The following ANKRD50 variants were observed in gnomAD, a reference collection of about 807,000 sequenced individuals.
ANKRD50 encodes ankyrin repeat domain-containing protein 50.
ANKRD50 carries 40 observed loss-of-function variants against 112.0 expected under a neutral mutation model. The ratio of observed to expected loss-of-function variants is 0.36; its 90% CI spans 0.28 to 0.46. The LOEUF (loss-of-function observed/expected upper bound fraction) is 0.46, where lower values mean the gene tolerates loss of function less well. Among genes scored for constraint, ANKRD50 ranks in the 20% least tolerant of loss-of-function variants. The pLI is 1.00. For missense variants in ANKRD50, 1,487 were observed against 1,701.7 expected (o/e 0.87, Z 2.22); for synonymous variants, 613 against 619.1 (o/e 0.99, Z 0.15).
chr4:124,679,841 T>C (rs1222299077), intron 2 of ANKRD50, among the ~76,000 whole-genome samples: 1 of 152,186 alleles, frequency 6.6e-6, no homozygotes, highest in Non-Finnish European at 1.5e-5. Flanking sequence ...CCTCAATTCT[T>C]CGTCTCTTTT....
In ANKRD50 at chr4:124,672,335, T is replaced by C. The variant is rs1247405385; in HGVS notation, c.942A>G (p.Val314=). 6 of 1,613,276 alleles carry C rather than the reference T, an allele frequency of 3.7e-6. No individual in the cohort carries two copies. The highest frequency in any genetic ancestry group is 2.2e-5 in the East Asian group (1 of 44,860). ...TTTCTCTTAACATAATAAAATTTTC[T>C]ACAACTCCATCTAAAACTCGTTCTA... The part of the protein sequence containing the change: ...LYLERVLDGV[V]ENFIMLREIR... The change falls in exon 4 of 5, where the codon GTA becomes GTG. Residue 314 remains valine (V), a synonymous_variant. Transcript: ENST00000504087.
intron 2 of ANKRD50, among the ~76,000 whole-genome samples, chr4:124,680,421 A>AG (rs1245340599): frequency 1.3e-5 from 2 of 152,202 alleles, no homozygotes; most frequent in African/African-American, 4.8e-5. Context: ...TAGGTAGGGA[A>AG]GGAAGAGAAT....
intron 2 of ANKRD50, among the ~76,000 whole-genome samples, chr4:124,686,140 C>T (rs1725002955): frequency 6.6e-6 from 1 of 152,026 alleles, no homozygotes; most frequent in South Asian, 2.1e-4. Flanking sequence ...GCTTTTAAAG[C>T]TACTATAAAT....
At position 124,671,276 on chromosome 4, in the gene ANKRD50, G is replaced by T; in HGVS notation, c.2001C>A (p.Gly667=). ...EDIVLNLLQH[G]AEVNKADNEG... ...CATTATCAGCTTTGTTCACTTCAGC[G>T]CCATGTTGTAGCAAATTCAGTACAA... The change falls in exon 4 of 5, where the codon GGC becomes GGA. Residue 667 remains glycine (G), a synonymous_variant. Transcript: ENST00000504087. The T allele has an allele frequency of 3.7e-6, 6 of 1,613,678 alleles. No individual in the cohort carries two copies. Among genetic ancestry groups the T allele is most frequent in the Non-Finnish European group, 5.1e-6 (6 of 1,179,782 alleles).
chr4:124,670,051 G>T lies in ANKRD50; in HGVS notation c.3226C>A (p.Gln1076Lys). The change falls in exon 4 of 5, where the codon CAA (glutamine) becomes AAA (lysine). Residue 1076 changes from glutamine (Q) to lysine (K), a missense_variant. Gln to Lys is a moderately conservative substitution (Grantham distance 53, BLOSUM62 1). Coordinates refer to ENST00000504087, the MANE Select transcript of ANKRD50 (RefSeq NM_020337.3). ...ACACGCATAGCAGTGCGTCCAAATT[G>T]ATCAGCATGGTTTGGATCAGCACCA... is the stretch of plus-strand genomic sequence containing the variant. ...EHGADPNHADQFGRTAMRVAA... is the reference protein window; with the variant it reads ...EHGADPNHADKFGRTAMRVAA... 1 of 1,611,658 alleles carries T rather than the reference G, an allele frequency of 6.2e-7. No individual in the cohort carries two copies. The highest frequency in any genetic ancestry group is 1.1e-5 in the South Asian group (1 of 90,504).
At chr4:124,674,854 A>G (rs1452957986) in intron 3 of ANKRD50, among the ~76,000 whole-genome samples, 1 of 151,906 alleles carries the variant, frequency 6.6e-6, no homozygotes, top group African/African-American at 2.4e-5. Context: ...AATGATGGTT[A>G]TAATAGTTAT....
intron 3 of ANKRD50, among the ~76,000 whole-genome samples, chr4:124,675,848 T>C (rs1730762869): frequency 6.6e-6 from 1 of 151,750 alleles, no homozygotes; most frequent in Non-Finnish European, 1.5e-5. Flanking sequence ...TAGTCAAAAT[T>C]GTGCTTAGTG....
chr4:124,684,900 C>G (rs575164829), intron 2 of ANKRD50, among the ~76,000 whole-genome samples: 1 of 152,024 alleles, frequency 6.6e-6, no homozygotes, highest in African/African-American at 2.4e-5. Context: ...TTTTCCCCCC[C>G]ATTCAGGACC....
chr4:124,706,269 CATT>C (rs1725501857), intron 2 of ANKRD50, among the ~76,000 whole-genome samples: 1 of 152,042 alleles, frequency 6.6e-6, no homozygotes, highest in Non-Finnish European at 1.5e-5. Context: ...AGAACACTCT[CATT>C]ATTTGTCATA....
At chr4:124,688,942 A>G (rs1293874538) in intron 2 of ANKRD50, among the ~76,000 whole-genome samples, 1 of 152,124 alleles carries the variant, frequency 6.6e-6, no homozygotes, top group Non-Finnish European at 1.5e-5. Context: ...CAAGGTTTTT[A>G]TTATCCTTTA....
intron 3 of ANKRD50, among the ~76,000 whole-genome samples, chr4:124,677,532 C>A (rs767511531): frequency 6.6e-6 from 1 of 151,640 alleles, no homozygotes; most frequent in Admixed American, 6.6e-5. Flanking sequence ...ATAATAGCAA[C>A]GATATATTTC....
chr4:124,710,635 C>T lies in ANKRD50; in HGVS notation c.-124G>A, dbSNP rs1725608669. 6.9e-6 allele frequency: 8 copies of T among 1,167,854 alleles called. No homozygotes were observed. In the South Asian group the frequency reaches 8.9e-5, roughly 13 times the overall value. 72.3% of individuals were successfully genotyped at this position (1,167,854 alleles called of 1,614,324 possible). On this transcript the variant is annotated 5_prime_UTR_variant, in exon 2 of 5. It removes the in-frame stop codon of an upstream open reading frame in the 5' UTR. Coordinates refer to ENST00000504087, the MANE Select transcript of ANKRD50 (RefSeq NM_020337.3). ...CAGAGTAACTAGTTACAGTAAAATT[C>T]AACAGCCACAGAGTTCCTCTGTCAA...
intron 3 of ANKRD50, among the ~76,000 whole-genome samples, chr4:124,677,549 A>G (rs1724742452): frequency 6.6e-6 from 1 of 151,950 alleles, no homozygotes; most frequent in African/African-American, 2.4e-5. Flanking sequence ...TTTCTGAAGC[A>G]CTTACTATGT....
At chr4:124,680,288 G>C (rs968494776) in intron 2 of ANKRD50, among the ~76,000 whole-genome samples, 2 of 152,120 alleles carry the variant, frequency 1.3e-5, no homozygotes, top group African/African-American at 2.4e-5. Context: ...AGAACCTAAA[G>C]ACTTGACATT....
chr4:124,686,943 CA>C (rs1317173828), intron 2 of ANKRD50, among the ~76,000 whole-genome samples: 1 of 152,096 alleles, frequency 6.6e-6, no homozygotes, highest in Non-Finnish European at 1.5e-5. Context: ...CTGCAGAAAA[CA>C]AAAACTAGGC....
chr4:124,676,343 T>C (rs1367518629), intron 3 of ANKRD50, among the ~76,000 whole-genome samples: 2 of 151,672 alleles, frequency 1.3e-5, no homozygotes, highest in East Asian at 1.9e-4. Flanking sequence ...GGTAAAAATA[T>C]ATAATTTAAA....
In ANKRD50 at chr4:124,671,049, T is replaced by C; in HGVS notation, c.2228A>G (p.His743Arg). Residue 743 changes from histidine to arginine, a missense_variant, in exon 4 of 5, where the codon CAT becomes CGT. Transcript: ENST00000504087. ...LLIDRGAEVDHCDKDGMTPLL... is the reference protein window; with the variant it reads ...LLIDRGAEVDRCDKDGMTPLL... The stretch of plus-strand genomic sequence containing the variant: ...TGGAGTCATGCCATCTTTATCACAA[T>C]GATCTACTTCAGCACCTCGATCAAT... 6.2e-7 allele frequency: 1 copy of C among 1,613,790 alleles called. No individual in the cohort carries two copies. The highest frequency in any genetic ancestry group is 8.5e-7 in the Non-Finnish European group (1 of 1,179,844).
chr4:124,707,208 A>C (rs1467551401), intron 2 of ANKRD50, among the ~76,000 whole-genome samples: 1 of 151,934 alleles, frequency 6.6e-6, no homozygotes, highest in African/African-American at 2.4e-5. Flanking sequence ...TTCCATTTCC[A>C]TTTCCCTCAA....
chr4:124,710,123 A>G lies in ANKRD50; in HGVS notation c.389T>C (p.Leu130Pro). 6.2e-7 allele frequency: 1 copy of G among 1,614,162 alleles called. No individual in the cohort carries two copies. Among genetic ancestry groups the G allele is most frequent in the Non-Finnish European group, 8.5e-7 (1 of 1,180,032 alleles). Residue 130 changes from leucine (L) to proline (P), a missense_variant, in exon 2 of 5, where the codon CTA becomes CCA. Leu to Pro is a moderately conservative substitution (Grantham distance 98, BLOSUM62 -3). This residue lies in a region of ANKRD50 where 1,046 missense variants were observed against 1,269.5 expected (regional missense o/e 0.82). Coordinates refer to ENST00000504087, the MANE Select transcript of ANKRD50 (RefSeq NM_020337.3). The stretch of plus-strand genomic sequence containing the variant: ...TCCACTGCGGCAGATCTGGGCTACT[A>G]GACCTCTAATAAACCCTCCAACACA... ...TLCVGGFIRG[L>P]VAQICRSGLL...
Sources: gnomAD v4.1 joint callset for allele counts (sites outside exome capture counted in the v4.1 genomes callset) on GRCh38, gnomAD v4.1.1 for gene constraint, gnomAD v4.1.1 regional missense constraint, MANE v1.5 for transcripts, NCBI Gene and HGNC (gene_info 2026-07-23, HGNC 2026-07-21) for gene names.